LRP1B: variants seen among roughly 807,000 people sequenced by gnomAD.
LRP1B encodes low-density lipoprotein receptor-related protein 1B.
In LRP1B, 217 loss-of-function variants were observed where a neutral mutation model predicts 556.6. That is an observed-to-expected ratio of 0.39 (90% CI 0.35 to 0.44). LRP1B has a LOEUF of 0.44. LRP1B is among the 20% of genes least tolerant of loss of function. LRP1B has a pLI of 1.00. For synonymous variants in LRP1B, 2,047 were observed against 1,865.8 expected (o/e 1.10, Z -2.50); for missense variants, 5,053 against 5,620.8 (o/e 0.90, Z 3.23).
intron 3 of LRP1B, among the ~76,000 whole-genome samples, chr2:141,439,750 T>A (rs986941205): frequency 6.6e-6 from 1 of 152,096 alleles, no homozygotes; most frequent in South Asian, 2.1e-4. Flanking sequence ...ACACACACAC[T>A]CACACACAAC....
chr2:140,416,338 C>T (rs1685200480), intron 66 of LRP1B, among the ~76,000 whole-genome samples: 3 of 152,032 alleles, frequency 2.0e-5, no homozygotes, highest in Admixed American at 2.0e-4. Context: ...GATAATAAAT[C>T]AATTGTTTGA....
intron 37 of LRP1B, among the ~76,000 whole-genome samples, chr2:140,708,416 G>A (rs1293743874): frequency 6.6e-6 from 1 of 151,560 alleles, no homozygotes; most frequent in East Asian, 1.9e-4. Flanking sequence ...TTGTAGTTTT[G>A]AGTAATTATA....
chr2:141,217,105 C>T (rs1050207435), intron 6 of LRP1B, among the ~76,000 whole-genome samples: 4 of 152,056 alleles, frequency 2.6e-5, no homozygotes, highest in African/African-American at 9.7e-5. Context: ...TATGTCCCTA[C>T]CAAATCTCAT....
At chr2:140,574,229 G>A (rs1012680351) in intron 43 of LRP1B, among the ~76,000 whole-genome samples, 8 of 151,996 alleles carry the variant, frequency 5.3e-5, no homozygotes, top group African/African-American at 1.9e-4. Context: ...TAAAATTTTA[G>A]TAACATTTCC....
At chr2:142,054,789 C>T (rs1704602095) in intron 1 of LRP1B, among the ~76,000 whole-genome samples, 1 of 152,100 alleles carries the variant, frequency 6.6e-6, no homozygotes, top group South Asian at 2.1e-4. Context: ...TGCAGCCCCT[C>T]ACTCTAATTC....
intron 86 of LRP1B, among the ~76,000 whole-genome samples, chr2:140,255,376 T>G (rs1156476867): frequency 6.6e-6 from 1 of 152,162 alleles, no homozygotes; most frequent in Non-Finnish European, 1.5e-5. Flanking sequence ...ACAGTAGTAT[T>G]TTACATTACA....
intron 1 of LRP1B, among the ~76,000 whole-genome samples, chr2:142,078,800 T>A (rs1011023344): frequency 6.6e-6 from 1 of 152,202 alleles, no homozygotes; most frequent in African/African-American, 2.4e-5. Context: ...TAGGGTTTTT[T>A]TGGTAATCTA....
intron 43 of LRP1B, among the ~76,000 whole-genome samples, chr2:140,587,277 T>G (rs1574110562): frequency 6.6e-6 from 1 of 152,184 alleles, no homozygotes; most frequent in South Asian, 2.1e-4. Context: ...GGAGAAAGCG[T>G]GGGGCTAAAA....
At chr2:141,339,925 C>T (rs1687995373) in intron 3 of LRP1B, among the ~76,000 whole-genome samples, 1 of 152,018 alleles carries the variant, frequency 6.6e-6, no homozygotes, top group African/African-American at 2.4e-5. Flanking sequence ...TCAGCTTTCA[C>T]CCCCCTCCAA....
chr2:141,098,616 G>A (rs1465348431), intron 7 of LRP1B, among the ~76,000 whole-genome samples: 4 of 152,122 alleles, frequency 2.6e-5, no homozygotes. Context: ...ATTAAAGGGG[G>A]AAAAATTCAT....
intron 14 of LRP1B, among the ~76,000 whole-genome samples, chr2:141,008,747 T>C (rs1241149702): frequency 1.3e-5 from 2 of 151,916 alleles, no homozygotes; most frequent in East Asian, 3.9e-4. Flanking sequence ...ATAGAGTGTG[T>C]TTGATAAATA....
chr2:140,257,869 G>C (rs540692059), intron 86 of LRP1B, among the ~76,000 whole-genome samples: 63 of 152,192 alleles, frequency 4.1e-4, no homozygotes, highest in Non-Finnish European at 5.4e-4. Flanking sequence ...ACTTCCTTAG[G>C]CTCTTCTTAA....
intron 2 of LRP1B, among the ~76,000 whole-genome samples, chr2:141,756,922 TA>T (rs1321111180): frequency 2.6e-5 from 4 of 152,166 alleles, no homozygotes; most frequent in Non-Finnish European, 5.9e-5. Flanking sequence ...TAACTGTATA[TA>T]CATATATAAA....
intron 35 of LRP1B, among the ~76,000 whole-genome samples, chr2:140,751,594 A>G (rs1001857517): frequency 7.2e-5 from 11 of 152,190 alleles, no homozygotes; most frequent in African/African-American, 2.4e-4. Flanking sequence ...TTTTTCCCAC[A>G]CAGATGTCAA....
At chr2:140,511,784 A>C (rs1355719685) in intron 51 of LRP1B, among the ~76,000 whole-genome samples, 1 of 152,168 alleles carries the variant, frequency 6.6e-6, no homozygotes, top group African/African-American at 2.4e-5. Flanking sequence ...GTTAGAAAAT[A>C]ATCTATTAAA....
At chr2:140,356,270 A>C (rs1682210657) in intron 75 of LRP1B, 72 bp downstream of exon 75, 3 of 1,473,958 alleles carry the variant, frequency 2.0e-6, no homozygotes, top group African/African-American at 1.4e-5. Flanking sequence ...CTGTGATCTC[A>C]CAATTTAGAA....
intron 7 of LRP1B, among the ~76,000 whole-genome samples, chr2:141,089,192 C>A (rs1700118287): frequency 6.6e-6 from 1 of 152,172 alleles, no homozygotes; most frequent in African/African-American, 2.4e-5. Context: ...CACAGCCACC[C>A]TTCAGGCACA....
Position 140,908,039 on chromosome 2 carries a change from T to G in LRP1B, c.3358A>C (p.Ile1120Leu). The G allele has an allele frequency of 6.2e-7, 1 of 1,613,442 alleles. No individual in the cohort carries two copies. ...INKAWVCDGD[I>L]DCEDQSDEDD... ...TCATCTGACTGATCTTCGCAATCAA[T>G]ATCTCCATCACACACCCATGCTTTG... Residue 1120 changes from isoleucine (I) to leucine (L), a missense_variant, in exon 22 of 91, where the codon ATT (isoleucine) becomes CTT (leucine). Ile to Leu is a conservative substitution (Grantham distance 5, BLOSUM62 2). Coordinates refer to ENST00000389484, the MANE Select transcript of LRP1B (RefSeq NM_018557.3).
At chr2:141,883,531 C>T (rs1005858058) in intron 1 of LRP1B, among the ~76,000 whole-genome samples, 2 of 151,952 alleles carry the variant, frequency 1.3e-5, no homozygotes, top group Non-Finnish European at 2.9e-5. Flanking sequence ...ATGTGATGAG[C>T]CAACGTAGCA....
Sources: allele counts gnomAD v4.1 joint callset (sites outside exome capture counted in the v4.1 genomes callset), GRCh38; gene constraint gnomAD v4.1.1; transcripts MANE v1.5; gene names NCBI Gene and HGNC (gene_info 2026-07-23, HGNC 2026-07-21).